The following EGFLAM variants were observed in gnomAD, a reference collection of about 807,000 sequenced individuals.
The protein encoded by EGFLAM is pikachurin.
EGFLAM carries 79 observed loss-of-function variants against 113.1 expected under a neutral mutation model. The observed-to-expected ratio is 0.70, with a 90% CI of 0.58 to 0.84. The LOEUF (loss-of-function observed/expected upper bound fraction) is 0.84. EGFLAM is among the 40% of genes least tolerant of loss of function. EGFLAM has a pLI of 0.00. For synonymous variants in EGFLAM, 504 were observed against 487.6 expected, an observed-to-expected ratio of 1.03 and a Z score of -0.44; for missense variants, 1,265 against 1,291.6, an observed-to-expected ratio of 0.98 and a Z score of 0.32.
chr5:38,355,169 C>T (rs1396479103), intron 5 of EGFLAM, among the ~76,000 whole-genome samples: 3 of 152,202 alleles, frequency 2.0e-5, no homozygotes, highest in Non-Finnish European at 4.4e-5. Flanking sequence ...AGTGAAGTCA[C>T]TGCTGTAGGC....
In EGFLAM at chr5:38,464,913, A is replaced by G. The variant is rs567198944; in HGVS notation, c.*927A>G. The G allele has an allele frequency of 6.6e-6, 1 of 152,328 alleles. No homozygotes were observed. The highest frequency in any genetic ancestry group is 2.1e-4 in the South Asian group (1 of 4,824). 9.4% of individuals were successfully genotyped at this position (152,328 alleles called of 1,614,324 possible). A position where few individuals can be genotyped will look rare whatever the true frequency, so the allele number is the denominator to read the frequency against. The stretch of plus-strand genomic sequence containing the variant: ...GAATATGAAGCTTTCCAAGATAAGC[A>G]GATTAAAAGGAACATGTGTTACCGA... On this transcript the variant is annotated 3_prime_UTR_variant, in exon 22 of 22. Coordinates refer to ENST00000322350, the MANE Select transcript of EGFLAM (RefSeq NM_152403.4).
At chr5:38,429,725 T>G (rs956934637) in intron 14 of EGFLAM, among the ~76,000 whole-genome samples, 7 of 152,166 alleles carry the variant, frequency 4.6e-5, no homozygotes, top group African/African-American at 1.7e-4. Context: ...TTCAAACATA[T>G]AGAAAAATTG....
At chr5:38,345,745 A>G (rs183613671) in intron 3 of EGFLAM, 3 of 152,320 alleles carry the variant, frequency 2.0e-5, no homozygotes, top group Non-Finnish European at 2.9e-5. Context: ...CAAGGCAACA[A>G]AACAAAGCAA....
intron 5 of EGFLAM, among the ~76,000 whole-genome samples, chr5:38,356,446 C>T (rs1216463077): frequency 6.6e-6 from 1 of 152,184 alleles, no homozygotes; most frequent in African/African-American, 2.4e-5. Context: ...CCACCATTTC[C>T]CTTTCACAAA....
intron 1 of EGFLAM, among the ~76,000 whole-genome samples, chr5:38,296,642 C>T (rs908820652): frequency 7.9e-5 from 12 of 151,790 alleles, no homozygotes; most frequent in African/African-American, 2.9e-4. Flanking sequence ...TTCATAATAC[C>T]ACAGTAGTCT....
chr5:38,430,110 A>G, intron 14 of EGFLAM: 1 of 227,766 alleles, frequency 4.4e-6, no homozygotes, highest in Non-Finnish European at 9.2e-6. Context: ...GCGTCGGAGT[A>G]GCATCTGGCC....
chr5:38,258,747 G>A lies in EGFLAM; in HGVS notation c.-8G>A. 1 of 1,606,442 alleles carries A rather than the reference G, an allele frequency of 6.2e-7. No individual in the cohort carries two copies. Among genetic ancestry groups the A allele is most frequent in the Non-Finnish European group, 8.5e-7 (1 of 1,176,694 alleles). ...ACTTGGTGAAACTTTGCAGGCGCCG[G>A]CTGCGAAATGGATTTAATCCGAGGC... is the stretch of plus-strand genomic sequence containing the variant. On this transcript the variant is annotated 5_prime_UTR_variant, in exon 1 of 22. Transcript: ENST00000322350.
At chr5:38,289,138 T>C (rs1194008329) in intron 1 of EGFLAM, among the ~76,000 whole-genome samples, 1 of 152,164 alleles carries the variant, frequency 6.6e-6, no homozygotes, top group Non-Finnish European at 1.5e-5. Context: ...CCTCTTCCTC[T>C]ACTCTTGCCT....
intron 16 of EGFLAM, among the ~76,000 whole-genome samples, chr5:38,437,064 T>C (rs1742374413): frequency 6.6e-6 from 1 of 152,214 alleles, no homozygotes; most frequent in African/African-American, 2.4e-5. Context: ...AGTAAATCCA[T>C]ATTCTGAATC....
chr5:38,379,501 TC>T (rs758583958), intron 6 of EGFLAM, among the ~76,000 whole-genome samples: 65 of 152,056 alleles, frequency 4.3e-4, no homozygotes, highest in Non-Finnish European at 8.1e-4. Context: ...TAGGAGTTAA[TC>T]TTCCCTGGTA....
intron 17 of EGFLAM, chr5:38,445,426 G>A (rs1441604203): frequency 3.0e-6 from 4 of 1,336,652 alleles, no homozygotes; most frequent in Non-Finnish European, 3.9e-6. Flanking sequence ...CCACCGCCAC[G>A]CCCACCTTCA....
chr5:38,378,764 C>A (rs1028249573), intron 6 of EGFLAM, among the ~76,000 whole-genome samples: 1 of 152,206 alleles, frequency 6.6e-6, no homozygotes, highest in African/African-American at 2.4e-5. Context: ...TGCTGTGGGA[C>A]CTCCTCAGAA....
At chr5:38,309,052 T>C (rs1354281259) in intron 1 of EGFLAM, among the ~76,000 whole-genome samples, 3 of 152,354 alleles carry the variant, frequency 2.0e-5, no homozygotes, top group South Asian at 4.1e-4. Flanking sequence ...GCTGCCAACA[T>C]AGCCATTATT....
chr5:38,315,599 C>G (rs1180170474), intron 1 of EGFLAM, among the ~76,000 whole-genome samples: 1 of 152,116 alleles, frequency 6.6e-6, no homozygotes, highest in African/African-American at 2.4e-5. Flanking sequence ...AATTGGTGTC[C>G]TCCCCAACAA....
intron 20 of EGFLAM, 159 bp from the exon 21 acceptor site, chr5:38,462,749 C>A: frequency 1.3e-6 from 1 of 758,434 alleles, no homozygotes; most frequent in African/African-American, 1.8e-5. Context: ...CTGAGGGCCA[C>A]ACATTTGCTT....
At chr5:38,427,707 ACT>A (rs770219465) in intron 14 of EGFLAM, among the ~76,000 whole-genome samples, 20 of 152,288 alleles carry the variant, frequency 1.3e-4, no homozygotes, top group Non-Finnish European at 2.1e-4. Context: ...TGATGACCTC[ACT>A]CTAAATATTC....
intron 5 of EGFLAM, among the ~76,000 whole-genome samples, chr5:38,367,918 A>G (rs1489679079): frequency 6.6e-6 from 1 of 152,236 alleles, no homozygotes; most frequent in Non-Finnish European, 1.5e-5. Flanking sequence ...ATAGAATAAA[A>G]ATAAATGCTA....
rs187764838 is a variant in EGFLAM at position 38,272,846 on chromosome 5, T to G, written c.97+13995T>G. Among the ~76,000 whole-genome samples the G allele has an allele frequency of 5.9e-5, 9 of 152,190 alleles. No homozygotes were observed. In the East Asian group the frequency reaches 1.7e-3, roughly 29 times the overall value. On this transcript the variant is annotated intron_variant, in intron 1 of 21. Transcript: ENST00000322350. The stretch of plus-strand genomic sequence containing the variant: ...AATAGCAGTTAAAAATGAACTAAAT[T>G]GTTTTGAAGTGGTGAAGTATTAGTG...
intron 6 of EGFLAM, among the ~76,000 whole-genome samples, chr5:38,374,697 G>A (rs1740317569): frequency 6.6e-6 from 1 of 152,202 alleles, no homozygotes; most frequent in African/African-American, 2.4e-5. Flanking sequence ...GTCCTACAAA[G>A]GCTGACTGGT....
Sources: gnomAD v4.1 joint callset for allele counts (sites outside exome capture counted in the v4.1 genomes callset) on GRCh38, gnomAD v4.1.1 for gene constraint, MANE v1.5 for transcripts, NCBI Gene and HGNC (gene_info 2026-07-23, HGNC 2026-07-21) for gene names.